Variants in DCLK2 observed in about 807,000 individuals in gnomAD.
DCLK2 encodes the protein serine/threonine-protein kinase DCLK2.
DCLK2 carries 31 observed loss-of-function variants against 78.4 expected under a neutral mutation model. The ratio of observed to expected loss-of-function variants is 0.40; its 90% CI spans 0.30 to 0.53. The LOEUF (loss-of-function observed/expected upper bound fraction) is 0.53, where lower values mean the gene tolerates loss of function less well. Ranked by LOEUF, DCLK2 falls within the 20% of genes least tolerant of loss-of-function variation. The probability of loss-of-function intolerance (pLI) is 0.61; values close to 1 mark genes in which losing one functional copy is unlikely to be tolerated. For missense variants in DCLK2, 872 were observed against 973.7 expected (o/e 0.90, Z 1.39); for synonymous variants, 407 against 374.9 (o/e 1.09, Z -0.99).
chr4:150,144,965 A>G (rs1341862550), intron 2 of DCLK2, among the ~76,000 whole-genome samples: 2 of 152,170 alleles, frequency 1.3e-5, no homozygotes, highest in Non-Finnish European at 2.9e-5. Flanking sequence ...TTTGGGCAGT[A>G]TGGTCATTTT....
chr4:150,234,289 A>G (rs1025309905), intron 10 of DCLK2, among the ~76,000 whole-genome samples: 2 of 152,242 alleles, frequency 1.3e-5, no homozygotes, highest in Non-Finnish European at 2.9e-5. Context: ...TGCACTTGCT[A>G]CGGTGTTGTG....
At chr4:150,178,266 T>G (rs570571350) in intron 2 of DCLK2, among the ~76,000 whole-genome samples, 2 of 152,354 alleles carry the variant, frequency 1.3e-5, no homozygotes, top group East Asian at 3.9e-4. Context: ...AAGTATTTGC[T>G]CTATCAACTT....
chr4:150,243,837 G>A (rs1743097132), intron 12 of DCLK2, among the ~76,000 whole-genome samples: 2 of 149,510 alleles, frequency 1.3e-5, no homozygotes, highest in Non-Finnish European at 3.0e-5. Flanking sequence ...AAGTAGCTGG[G>A]ACTACAAGCA....
chr4:150,177,612 A>G (rs1055082258), intron 2 of DCLK2, among the ~76,000 whole-genome samples: 6 of 152,240 alleles, frequency 3.9e-5, no homozygotes, highest in African/African-American at 1.4e-4. Flanking sequence ...AATGATATTA[A>G]TGATAGAATT....
At chr4:150,188,676 C>T (rs890542195) in intron 2 of DCLK2, among the ~76,000 whole-genome samples, 3 of 151,770 alleles carry the variant, frequency 2.0e-5, no homozygotes, top group Non-Finnish European at 4.4e-5. Context: ...CTGAGGCAGG[C>T]GGATCACGAG....
rs1162812832 is a variant in DCLK2 at position 150,102,614 on chromosome 4, A to G, written c.558A>G (p.Glu186=). 1.2e-6 allele frequency: 2 copies of G among 1,614,076 alleles called. No homozygotes were observed. The highest frequency in any genetic ancestry group is 1.7e-5 in the Admixed American group (1 of 59,988). Residue 186 remains glutamate, a synonymous_variant, in exon 2 of 16, where the codon GAA becomes GAG. Coordinates refer to ENST00000296550, the MANE Select transcript of DCLK2 (RefSeq NM_001040260.4). The part of the protein sequence containing the change: ...ALAAASSVKS[E]VKESKDFIKP... ...CTGCTGCCTCCTCTGTGAAAAGTGA[A>G]GTAAAAGAAAGTAAAGATTTCATCA... is the stretch of plus-strand genomic sequence containing the variant.
chr4:150,247,360 G>A (rs1051946753), intron 12 of DCLK2, among the ~76,000 whole-genome samples: 2 of 152,160 alleles, frequency 1.3e-5, no homozygotes, highest in African/African-American at 2.4e-5. Context: ...CATTCATTAA[G>A]CAAATGTTTG....
At chr4:150,160,019 T>G (rs76334767) in intron 2 of DCLK2, among the ~76,000 whole-genome samples, 2,161 of 151,836 alleles carry the variant, frequency 0.014, 55 homozygotes, top group African/African-American at 0.05. Flanking sequence ...TTTATTATTT[T>G]TGTGTGTGTG....
At chr4:150,110,202 C>T (rs1033450694) in intron 2 of DCLK2, among the ~76,000 whole-genome samples, 11 of 152,204 alleles carry the variant, frequency 7.2e-5, no homozygotes, top group Non-Finnish European at 2.9e-5. Context: ...ACTGCAAACT[C>T]TCTTGTTTCC....
At chr4:150,219,170 C>G (rs1404214671) in intron 5 of DCLK2, among the ~76,000 whole-genome samples, 1 of 151,610 alleles carries the variant, frequency 6.6e-6, no homozygotes, top group South Asian at 2.1e-4. Context: ...CATCACTGCA[C>G]TCCAGCCTGG....
chr4:150,252,306 A>G (rs1004683815), intron 15 of DCLK2, among the ~76,000 whole-genome samples: 3 of 152,336 alleles, frequency 2.0e-5, no homozygotes, highest in Admixed American at 6.5e-5. Context: ...GGCATACTCA[A>G]CGTGTCATGA....
intron 2 of DCLK2, among the ~76,000 whole-genome samples, chr4:150,125,465 A>G (rs192370097): frequency 5.6e-4 from 85 of 152,366 alleles, no homozygotes; most frequent in African/African-American, 1.9e-3. Context: ...TTCAAAGAAT[A>G]TGATATAGAA....
chr4:150,080,737 A>T (rs1729198827), intron 1 of DCLK2, among the ~76,000 whole-genome samples: 1 of 152,212 alleles, frequency 6.6e-6, no homozygotes, highest in African/African-American at 2.4e-5. Context: ...ACCTCTGCTG[A>T]GCTAATGGAG....
At chr4:150,219,258 C>CTTTTT (rs375592229) in intron 5 of DCLK2, among the ~76,000 whole-genome samples, 4 of 72,134 alleles carry the variant, frequency 5.5e-5, no homozygotes, top group African/African-American at 1.1e-4. Flanking sequence ...CACAAACATT[C>CTTTTT]TTTTTTTTTT....
chr4:150,155,616 TAGAG>T lies in DCLK2; in HGVS notation c.757-37519_757-37516del, dbSNP rs527675900. Among the ~76,000 whole-genome samples the T allele has an allele frequency of 2.4e-4, 36 of 152,226 alleles. No homozygotes were observed. In the South Asian group the frequency reaches 7.5e-3, roughly 32 times the overall value. Reference sequence around the variant, plus strand: ...AGGGTCAGAAATAGCAAGAGGGTAATAGAGAGGCTGTCTGGTTACTGCCAGCAGG... The same window carrying T: ...AGGGTCAGAAATAGCAAGAGGGTAATAGGCTGTCTGGTTACTGCCAGCAGG... On this transcript the variant is annotated intron_variant, in intron 2 of 15. Coordinates refer to ENST00000296550, the MANE Select transcript of DCLK2 (RefSeq NM_001040260.4).
intron 1 of DCLK2, among the ~76,000 whole-genome samples, chr4:150,095,946 C>A (rs1335061786): frequency 2.0e-5 from 3 of 152,168 alleles, no homozygotes; most frequent in Non-Finnish European, 4.4e-5. Flanking sequence ...TAGGAACCTG[C>A]AGGGAAGTGG....
At chr4:150,132,006 T>C (rs4438743) in intron 2 of DCLK2, among the ~76,000 whole-genome samples, 132,841 of 152,164 alleles carry the variant, frequency 0.87, 58,658 homozygotes, top group Non-Finnish European at 0.92. Flanking sequence ...GGGCTGTATA[T>C]GACTGTACAA....
intron 1 of DCLK2, among the ~76,000 whole-genome samples, chr4:150,086,119 G>A (rs113219754): frequency 9.2e-5 from 14 of 152,220 alleles, no homozygotes; most frequent in African/African-American, 3.4e-4. Flanking sequence ...CCCAACAGGG[G>A]GTGGGACCAC....
At chr4:150,109,343 T>A (rs1169840128) in intron 2 of DCLK2, among the ~76,000 whole-genome samples, 1 of 151,946 alleles carries the variant, frequency 6.6e-6, no homozygotes, top group African/African-American at 2.4e-5. Flanking sequence ...CCCTTTTTTT[T>A]TTTTTTCTCT....
Sources: gnomAD v4.1 joint callset for allele counts (sites outside exome capture counted in the v4.1 genomes callset) on GRCh38, gnomAD v4.1.1 for gene constraint, MANE v1.5 for transcripts, NCBI Gene and HGNC (gene_info 2026-07-23, HGNC 2026-07-21) for gene names.